HDHD2: variants seen among roughly 807,000 people sequenced by gnomAD.
The protein encoded by HDHD2 is haloacid dehalogenase-like hydrolase domain-containing protein 2.
In HDHD2, 26 loss-of-function variants were observed where a neutral mutation model predicts 24.8. That is an observed-to-expected ratio of 1.05 (90% CI 0.77 to 1.45). The LOEUF is 1.45. HDHD2 is among the 40% of genes most tolerant of loss of function. The pLI is 0.00. For synonymous variants in HDHD2, 128 were observed against 114.9 expected (o/e 1.11, Z -0.73); for missense variants, 299 against 313.4 (o/e 0.95, Z 0.35).
chr18:47,114,894 A>G (rs775707387), intron 5 of HDHD2, among the ~76,000 whole-genome samples: 1 of 151,764 alleles, frequency 6.6e-6, no homozygotes, highest in African/African-American at 2.4e-5. Context: ...TATATGTATC[A>G]TAACACACAA....
At chr18:47,148,293 A>C (rs896131987) in intron 1 of HDHD2, among the ~76,000 whole-genome samples, 8 of 152,202 alleles carry the variant, frequency 5.3e-5, no homozygotes, top group African/African-American at 1.7e-4. Flanking sequence ...GCCTTGTCTG[A>C]ACATGTATAA....
Position 47,133,560 on chromosome 18 carries a change from T to A in HDHD2, c.310+936A>T, listed in dbSNP as rs940386618. Among the ~76,000 whole-genome samples the A allele has an allele frequency of 6.6e-5, 10 of 150,534 alleles. No individual in the cohort carries two copies. The East Asian group carries it at 1.8e-3, about 26-fold the overall frequency. ...AGATCCTTGAGGAATCGCCACACTG[T>A]CTTCCACAATGGTGAACTAGTTTAC... On this transcript the variant is annotated intron_variant, in intron 3 of 6. Transcript: ENST00000300605.
chr18:47,131,556 G>A (rs527415110), intron 3 of HDHD2, among the ~76,000 whole-genome samples: 1 of 152,168 alleles, frequency 6.6e-6, no homozygotes, highest in South Asian at 2.1e-4. Context: ...ATTACTTTAG[G>A]CTTTTCCAGT....
chr18:47,134,485 A>G lies in HDHD2; in HGVS notation c.310+11T>C. The stretch of plus-strand genomic sequence containing the variant: ...AATATCCAATCTTTAAATTTTCCAA[A>G]TTTCCCCTACCTTTGAAATCAGGTA... On this transcript the variant is annotated intron_variant, in intron 3 of 6. Coordinates refer to ENST00000300605, the MANE Select transcript of HDHD2 (RefSeq NM_032124.5). 6.2e-7 allele frequency: 1 copy of G among 1,605,894 alleles called. No individual in the cohort carries two copies.
chr18:47,148,241 T>C (rs772375382), intron 1 of HDHD2, among the ~76,000 whole-genome samples: 17 of 152,192 alleles, frequency 1.1e-4, no homozygotes, highest in Non-Finnish European at 2.1e-4. Context: ...TCCATCCGCC[T>C]TGGGCTCCCA....
intron 1 of HDHD2, among the ~76,000 whole-genome samples, chr18:47,143,398 A>C (rs962575590): frequency 2.0e-5 from 3 of 152,222 alleles, no homozygotes; most frequent in Non-Finnish European, 4.4e-5. Flanking sequence ...ATGACCATGC[A>C]GTCAGGGCAA....
intron 1 of HDHD2, among the ~76,000 whole-genome samples, chr18:47,137,628 A>G (rs2063778172): frequency 6.6e-6 from 1 of 152,150 alleles, no homozygotes; most frequent in Non-Finnish European, 1.5e-5. Flanking sequence ...TCAGTAAGTT[A>G]TTTTGCTCTG....
chr18:47,122,702 TCA>T (rs1245997203), intron 4 of HDHD2, among the ~76,000 whole-genome samples: 1 of 152,102 alleles, frequency 6.6e-6, no homozygotes, highest in Admixed American at 6.6e-5. Context: ...ACCTCCAATG[TCA>T]CACTGGCACA....
At chr18:47,119,510 C>T (rs543416352) in intron 4 of HDHD2, among the ~76,000 whole-genome samples, 34 of 152,278 alleles carry the variant, frequency 2.2e-4, no homozygotes, top group South Asian at 2.1e-4. Context: ...ATCATGAGAT[C>T]GCAGCGATTC....
chr18:47,141,581 T>C lies in HDHD2; in HGVS notation c.-10-5132A>G, dbSNP rs112883271. Reference sequence around the variant, plus strand: ...TTGATTTACTCAATCATTTATTTTATGTAATCAGTATGGGCTCACAGATAT... The same window carrying C: ...TTGATTTACTCAATCATTTATTTTACGTAATCAGTATGGGCTCACAGATAT... On this transcript the variant is annotated intron_variant, in intron 1 of 6. Transcript: ENST00000300605. Among the ~76,000 whole-genome samples, 1,007 of 152,388 alleles carry C rather than the reference T, an allele frequency of 6.6e-3. 13 individuals are homozygous for C. Among genetic ancestry groups the C allele is most frequent in the African/African-American group, 0.023 (975 of 41,590 alleles).
chr18:47,127,841 CATA>C (rs1267464711), intron 4 of HDHD2, among the ~76,000 whole-genome samples: 7 of 152,064 alleles, frequency 4.6e-5, no homozygotes, highest in Admixed American at 1.3e-4. Context: ...TAAGATGCAG[CATA>C]ATGTGAAGTT....
At chr18:47,110,078 T>C (rs906813968) in intron 6 of HDHD2, 3 of 985,478 alleles carry the variant, frequency 3.0e-6, no homozygotes, top group African/African-American at 3.5e-5. Context: ...GTGGTCTCTA[T>C]TGTTGATTCT....
At chr18:47,116,681 T>C (rs1389538824) in intron 4 of HDHD2, among the ~76,000 whole-genome samples, 5 of 152,208 alleles carry the variant, frequency 3.3e-5, no homozygotes, top group African/African-American at 9.6e-5. Context: ...TTTAAAGACC[T>C]AGAGCTGACA....
intron 4 of HDHD2, among the ~76,000 whole-genome samples, chr18:47,118,763 A>G (rs1281598870): frequency 6.6e-6 from 1 of 152,220 alleles, no homozygotes; most frequent in Non-Finnish European, 1.5e-5. Context: ...AATATTACTG[A>G]AAGAGACCCA....
In HDHD2 at chr18:47,134,698, A is replaced by AC; in HGVS notation, c.107dup (p.Gly37TrpfsTer7). ...CAAACCTAATGATTACAGAAGCACC[A>AC]CGTAACCTGGAGAGGGCCAAATTCA... On this transcript the variant is annotated frameshift_variant, in exon 3 of 7. Transcript: ENST00000300605. LOFTEE classifies it high-confidence loss of function. The AC allele has an allele frequency of 6.2e-7, 1 of 1,613,780 alleles. No homozygotes were observed. The highest frequency in any genetic ancestry group is 8.5e-7 in the Non-Finnish European group (1 of 1,179,752).
At chr18:47,136,215 C>A in intron 2 of HDHD2, 124 bp downstream of exon 2, 1 of 1,157,160 alleles carries the variant, frequency 8.6e-7, no homozygotes, top group Non-Finnish European at 1.2e-6. Context: ...AAACCCAAGG[C>A]AGTTCCTATA....
intron 4 of HDHD2, among the ~76,000 whole-genome samples, chr18:47,117,335 T>C (rs1809937394): frequency 6.6e-6 from 1 of 152,162 alleles, no homozygotes; most frequent in South Asian, 2.1e-4. Context: ...CGGGGGCCTT[T>C]AAGCGGTGAC....
chr18:47,110,802 T>G, intron 6 of HDHD2: 1 of 985,012 alleles, frequency 1.0e-6, no homozygotes. Context: ...CAAAGAAAGA[T>G]CCTATTTTTT....
intron 6 of HDHD2, chr18:47,111,610 A>AT: frequency 1.0e-6 from 1 of 985,344 alleles, no homozygotes; most frequent in Non-Finnish European, 1.2e-6. Context: ...GATCATTTTG[A>AT]CTGAGACATT....
Sources: gnomAD v4.1 joint callset for allele counts (sites outside exome capture counted in the v4.1 genomes callset) on GRCh38, gnomAD v4.1.1 for gene constraint, MANE v1.5 for transcripts, NCBI Gene and HGNC (gene_info 2026-07-23, HGNC 2026-07-21) for gene names.